SGCZ: variants seen among roughly 807,000 people sequenced by gnomAD.
SGCZ encodes the protein sarcoglycan zeta, also known as zeta-sarcoglycan.
In SGCZ, 40 loss-of-function variants were observed where a neutral mutation model predicts 41.3. The observed-to-expected ratio is 0.97, with a 90% CI of 0.75 to 1.26. The LOEUF (loss-of-function observed/expected upper bound fraction) is 1.26. Among genes scored for constraint, SGCZ ranks in the 50% most tolerant of loss-of-function variants. The pLI is 0.00. For missense variants in SGCZ, 552 were observed against 369.8 expected, an observed-to-expected ratio of 1.49 and a Z score of -4.04; for synonymous variants, 206 against 137.5, an observed-to-expected ratio of 1.50 and a Z score of -3.49.
chr8:14,604,153 G>A (rs922327349), intron 1 of SGCZ, among the ~76,000 whole-genome samples: 1 of 151,930 alleles, frequency 6.6e-6, no homozygotes, highest in Non-Finnish European at 1.5e-5. Flanking sequence ...TATCAAAAAT[G>A]CTACTGTAAT....
chr8:14,392,177 T>C (rs192362673), intron 2 of SGCZ, among the ~76,000 whole-genome samples: 5 of 152,308 alleles, frequency 3.3e-5, no homozygotes, highest in Admixed American at 1.3e-4. Context: ...AATTCAATAA[T>C]AGCTACACTT....
At chr8:14,208,066 T>C (rs546413183) in intron 4 of SGCZ, among the ~76,000 whole-genome samples, 1 of 152,306 alleles carries the variant, frequency 6.6e-6, no homozygotes, top group Non-Finnish European at 1.5e-5. Flanking sequence ...TCAACTTTCA[T>C]TTACTACAAA....
At chr8:14,534,902 C>T (rs962370518) in intron 2 of SGCZ, among the ~76,000 whole-genome samples, 1 of 151,936 alleles carries the variant, frequency 6.6e-6, no homozygotes, top group Admixed American at 6.6e-5. Context: ...AATGTAGTTT[C>T]TCAGATCAAC....
chr8:14,981,726 G>T (rs753341426), intron 1 of SGCZ, among the ~76,000 whole-genome samples: 40 of 152,138 alleles, frequency 2.6e-4, no homozygotes, highest in Non-Finnish European at 3.8e-4. Flanking sequence ...AAACAAGCAT[G>T]ACAATTAATA....
chr8:14,517,073 T>C (rs1802644341), intron 2 of SGCZ, among the ~76,000 whole-genome samples: 1 of 152,056 alleles, frequency 6.6e-6, no homozygotes, highest in Admixed American at 6.6e-5. Flanking sequence ...TAAGTCTTCG[T>C]AATGCGTGAC....
At chr8:14,322,273 T>A (rs998283459) in intron 3 of SGCZ, among the ~76,000 whole-genome samples, 1 of 152,022 alleles carries the variant, frequency 6.6e-6, no homozygotes, top group African/African-American at 2.4e-5. Context: ...CAAACAATAA[T>A]GAAGGAAGAC....
intron 1 of SGCZ, among the ~76,000 whole-genome samples, chr8:15,218,568 T>C (rs759103925): frequency 3.3e-5 from 5 of 152,202 alleles, no homozygotes; most frequent in Non-Finnish European, 7.3e-5. Flanking sequence ...TCTAGTCTCA[T>C]CCCAGGACAG....
At chr8:14,125,903 G>A (rs1802840825) in intron 5 of SGCZ, among the ~76,000 whole-genome samples, 1 of 152,196 alleles carries the variant, frequency 6.6e-6, no homozygotes, top group Non-Finnish European at 1.5e-5. Context: ...AATGGTTGGT[G>A]CTGGGAAAAC....
chr8:14,948,406 T>G (rs1351407599), intron 1 of SGCZ, among the ~76,000 whole-genome samples: 2 of 152,088 alleles, frequency 1.3e-5, no homozygotes, highest in Non-Finnish European at 2.9e-5. Context: ...AGAGAGATTA[T>G]TAACTCTGTT....
At chr8:14,341,949 A>G (rs779425996) in intron 2 of SGCZ, among the ~76,000 whole-genome samples, 3 of 152,158 alleles carry the variant, frequency 2.0e-5, no homozygotes, top group Non-Finnish European at 4.4e-5. Context: ...AATACAGTAA[A>G]TTTGTACCAG....
At chr8:14,842,696 T>C (rs931837665) in intron 1 of SGCZ, among the ~76,000 whole-genome samples, 1 of 152,192 alleles carries the variant, frequency 6.6e-6, no homozygotes, top group Non-Finnish European at 1.5e-5. Flanking sequence ...TTTGAAATGC[T>C]TTAAGCCCTG....
chr8:14,172,655 C>T (rs1230093407), intron 4 of SGCZ, among the ~76,000 whole-genome samples: 2 of 152,096 alleles, frequency 1.3e-5, no homozygotes, highest in Non-Finnish European at 2.9e-5. Context: ...ACGTGTACTC[C>T]ACATTCATTA....
rs1158254448 is a variant in SGCZ at position 14,087,434 on chromosome 8, A to C, written c.*3009T>G. Among the ~76,000 whole-genome samples the C allele has an allele frequency of 6.6e-6, 1 of 151,650 alleles. No individual in the cohort carries two copies. Among genetic ancestry groups the C allele is most frequent in the African/African-American group, 2.4e-5 (1 of 41,396 alleles). ...ATCTCGGTTTATCCATTCCTGGCAA[A>C]TAACTTAAATGCTAGCAAAACTACC... On this transcript the variant is annotated 3_prime_UTR_variant, in exon 8 of 8. Coordinates refer to ENST00000382080, the MANE Select transcript of SGCZ (RefSeq NM_139167.4).
intron 1 of SGCZ, among the ~76,000 whole-genome samples, chr8:14,877,659 T>A (rs1804413988): frequency 6.6e-6 from 1 of 152,164 alleles, no homozygotes; most frequent in Non-Finnish European, 1.5e-5. Context: ...TAATTCTCCC[T>A]TTTACTGTCA....
At chr8:14,554,952 G>C (rs770850471) in intron 1 of SGCZ, 26 bp from the exon 2 acceptor site, 10 of 1,437,308 alleles carry the variant, frequency 7.0e-6, no homozygotes, top group African/African-American at 3.0e-5. Context: ...GAAAGAAAGA[G>C]AAAGAAGGAA....
At chr8:14,897,071 C>T (rs991307035) in intron 1 of SGCZ, among the ~76,000 whole-genome samples, 8 of 152,074 alleles carry the variant, frequency 5.3e-5, no homozygotes, top group African/African-American at 1.7e-4. Flanking sequence ...CGTGAGCCAC[C>T]GTGCCTGGCC....
At chr8:14,853,146 T>G (rs1563316268) in intron 1 of SGCZ, among the ~76,000 whole-genome samples, 1 of 152,178 alleles carries the variant, frequency 6.6e-6, no homozygotes, top group Non-Finnish European at 1.5e-5. Context: ...CTATTTGCAG[T>G]TTGAAGATTT....
chr8:15,236,546 T>C (rs1294293741), intron 1 of SGCZ, among the ~76,000 whole-genome samples: 1 of 152,204 alleles, frequency 6.6e-6, no homozygotes, highest in Admixed American at 6.5e-5. Flanking sequence ...GGTGGAGGAT[T>C]TCAATAAAAG....
intron 1 of SGCZ, among the ~76,000 whole-genome samples, chr8:15,205,078 A>T (rs1270747840): frequency 7.2e-5 from 11 of 152,194 alleles, no homozygotes; most frequent in Admixed American, 7.2e-4. Flanking sequence ...ACAGGTTGTC[A>T]TGCCAGTTCA....
Sources: gnomAD v4.1 joint callset for allele counts (sites outside exome capture counted in the v4.1 genomes callset) on GRCh38, gnomAD v4.1.1 for gene constraint, MANE v1.5 for transcripts, NCBI Gene and HGNC (gene_info 2026-07-23, HGNC 2026-07-21) for gene names.